Variants in MRTFA observed in about 807,000 individuals in gnomAD.
The protein encoded by MRTFA is myocardin related transcription factor A.
MRTFA carries 20 observed loss-of-function variants against 83.5 expected under a neutral mutation model. The observed-to-expected ratio is 0.24, with a 90% CI of 0.17 to 0.35. The LOEUF is 0.35. Ranked by LOEUF, MRTFA falls within the 10% of genes least tolerant of loss-of-function variation. The pLI, the probability that MRTFA is intolerant of heterozygous loss-of-function variation, is 1.00. For synonymous variants in MRTFA, 659 were observed against 541.2 expected, an observed-to-expected ratio of 1.22 and a Z score of -3.02; for missense variants, 1,200 against 1,224.7, an observed-to-expected ratio of 0.98 and a Z score of 0.30.
At chr22:40,587,187 G>A in intron 2 of MRTFA, 1 of 459,128 alleles carries the variant, frequency 2.2e-6, no homozygotes, top group South Asian at 1.6e-5. Context: ...AAAGATTGCA[G>A]TTACTCTTGA....
chr22:40,608,732 G>T (rs538019501), intron 1 of MRTFA, among the ~76,000 whole-genome samples: 1 of 152,240 alleles, frequency 6.6e-6, no homozygotes, highest in Admixed American at 6.5e-5. Flanking sequence ...GAGCCCTAGG[G>T]ATACTAGTGA....
At chr22:40,504,805 C>G (rs2054554692) in intron 3 of MRTFA, among the ~76,000 whole-genome samples, 1 of 152,198 alleles carries the variant, frequency 6.6e-6, no homozygotes, top group African/African-American at 2.4e-5. Flanking sequence ...AATGAATTCT[C>G]TGGATATAGT....
At chr22:40,470,991 C>A (rs1461657500) in intron 3 of MRTFA, among the ~76,000 whole-genome samples, 1 of 151,600 alleles carries the variant, frequency 6.6e-6, no homozygotes. Context: ...CAGAGAAAAT[C>A]AATAGTCATA....
At chr22:40,611,380 G>T (rs565596926) in intron 1 of MRTFA, among the ~76,000 whole-genome samples, 2 of 151,904 alleles carry the variant, frequency 1.3e-5, no homozygotes, top group East Asian at 3.9e-4. Context: ...AGAACTAAAG[G>T]CACTCAAACC....
intron 1 of MRTFA, among the ~76,000 whole-genome samples, chr22:40,628,293 G>A (rs1356702621): frequency 6.6e-6 from 1 of 152,118 alleles, no homozygotes; most frequent in Non-Finnish European, 1.5e-5. Context: ...GATCTGCTGT[G>A]CCCTAAAACT....
chr22:40,626,786 G>A (rs141277835), intron 1 of MRTFA, among the ~76,000 whole-genome samples: 2 of 152,046 alleles, frequency 1.3e-5, no homozygotes, highest in African/African-American at 4.8e-5. Flanking sequence ...AACTGCTTGA[G>A]GCCAGGGGTT....
intron 3 of MRTFA, among the ~76,000 whole-genome samples, chr22:40,518,985 T>C (rs895112622): frequency 6.6e-6 from 1 of 151,354 alleles, no homozygotes; most frequent in Admixed American, 6.6e-5. Flanking sequence ...TTGGAGGCTT[T>C]TGGTGGTGGT....
Position 40,488,702 on chromosome 22 carries a change from G to A in MRTFA, c.242-25416C>T, listed in dbSNP as rs144229715. 2.7e-3 allele frequency among the ~76,000 whole-genome samples: 416 copies of A among 151,988 alleles called. 4 individuals carry two copies. Among genetic ancestry groups the A allele is most frequent in the African/African-American group, 9.6e-3 (396 of 41,422 alleles). On this transcript the variant is annotated intron_variant, in intron 3 of 14. Transcript: ENST00000355630. ...CGAAAAATTAGCCAGGCATGGTGGC[G>A]GGCGCCTGTAATCCCAGCTACTCAG...
chr22:40,478,630 G>A (rs890206527), intron 3 of MRTFA, among the ~76,000 whole-genome samples: 3 of 152,166 alleles, frequency 2.0e-5, no homozygotes, highest in East Asian at 1.9e-4. Context: ...TTTTCTTGGC[G>A]TGAGACGACG....
intron 3 of MRTFA, among the ~76,000 whole-genome samples, chr22:40,486,684 T>C (rs915515709): frequency 6.6e-6 from 1 of 152,310 alleles, no homozygotes; most frequent in East Asian, 1.9e-4. Flanking sequence ...CACTTTAAGT[T>C]CGTATTAAGA....
intron 3 of MRTFA, among the ~76,000 whole-genome samples, chr22:40,537,720 G>C (rs1358286026): frequency 5.1e-5 from 1 of 19,776 alleles, no homozygotes; most frequent in Non-Finnish European, 8.9e-5. Context: ...AGGGAGATGG[G>C]GGGGTCAGCC....
chr22:40,574,060 G>A (rs1160807607), intron 2 of MRTFA, among the ~76,000 whole-genome samples: 2 of 152,006 alleles, frequency 1.3e-5, no homozygotes, highest in Non-Finnish European at 2.9e-5. Flanking sequence ...TCTGCATCAG[G>A]GACATTTGTA....
In MRTFA at chr22:40,547,315, T is replaced by C. The variant is rs190176574; in HGVS notation, c.241+4791A>G. Among the ~76,000 whole-genome samples the C allele has an allele frequency of 9.2e-4, 140 of 151,426 alleles. 1 individual carries two copies. The Middle Eastern group carries it at 0.02, about 22-fold the overall frequency. ...GACAATAAACACAAACACACACATA[T>C]ACACACACACACAATGACAGATAAT... On this transcript the variant is annotated intron_variant, in intron 3 of 14. Coordinates refer to ENST00000355630, the MANE Select transcript of MRTFA (RefSeq NM_020831.6).
chr22:40,415,930 A>G (rs908294742), intron 14 of MRTFA, among the ~76,000 whole-genome samples: 2 of 151,590 alleles, frequency 1.3e-5, no homozygotes, highest in Admixed American at 6.6e-5. Context: ...CTTAGCCCCA[A>G]CCTCTGCTCC....
At chr22:40,543,976 C>T (rs1049569609) in intron 3 of MRTFA, among the ~76,000 whole-genome samples, 1 of 152,126 alleles carries the variant, frequency 6.6e-6, no homozygotes, top group African/African-American at 2.4e-5. Flanking sequence ...GGCAGGAATA[C>T]ACAAATAGCC....
At chr22:40,628,517 C>T (rs1188528350) in intron 1 of MRTFA, among the ~76,000 whole-genome samples, 2 of 152,118 alleles carry the variant, frequency 1.3e-5, no homozygotes, top group African/African-American at 4.8e-5. Context: ...AGGACACACT[C>T]CAGATCTCAA....
At chr22:40,511,078 A>C (rs2054659441) in intron 3 of MRTFA, among the ~76,000 whole-genome samples, 1 of 152,212 alleles carries the variant, frequency 6.6e-6, no homozygotes, top group African/African-American at 2.4e-5. Context: ...ATTGGTAGTT[A>C]GCGAAAGTAT....
At chr22:40,502,674 C>G (rs1335051504) in intron 3 of MRTFA, among the ~76,000 whole-genome samples, 1 of 150,912 alleles carries the variant, frequency 6.6e-6, no homozygotes, top group Admixed American at 6.6e-5. Flanking sequence ...AGGCTGCAAT[C>G]TCGGCACTTT....
intron 9 of MRTFA, among the ~76,000 whole-genome samples, chr22:40,423,112 G>C (rs910015990): frequency 6.6e-6 from 1 of 152,214 alleles, no homozygotes; most frequent in African/African-American, 2.4e-5. Flanking sequence ...GGTAACCCCC[G>C]CCTCCTGCAG....
Sources: gnomAD v4.1 joint callset for allele counts (sites outside exome capture counted in the v4.1 genomes callset) on GRCh38, gnomAD v4.1.1 for gene constraint, MANE v1.5 for transcripts, NCBI Gene and HGNC (gene_info 2026-07-23, HGNC 2026-07-21) for gene names.